Variants in JADE3 observed in about 807,000 individuals in gnomAD.
The protein encoded by JADE3 is protein Jade-3.
Under a neutral mutation model 50.1 loss-of-function variants are expected in JADE3, and 2 were observed. The ratio of observed to expected loss-of-function variants is 0.04; its 90% CI spans 0.02 to 0.13. The LOEUF (loss-of-function observed/expected upper bound fraction) is 0.13, where lower values mean the gene tolerates loss of function less well. Ranked by LOEUF, JADE3 falls within the 10% of genes least tolerant of loss-of-function variation. JADE3 has a pLI of 1.00. For synonymous variants in JADE3, 218 were observed against 232.9 expected, an observed-to-expected ratio of 0.94 and a Z score of 0.58; for missense variants, 475 against 634.4, an observed-to-expected ratio of 0.75 and a Z score of 2.70.
chrX:46,961,170 T>C (rs781890549), intron 1 of JADE3, among the ~76,000 whole-genome samples: 59 of 112,250 alleles, frequency 5.3e-4, no homozygotes, highest in Non-Finnish European at 9.8e-4. Flanking sequence ...GTTATCCACA[T>C]TTTCCAAATT....
At chrX:47,039,355 A>G (rs1233266412) in intron 8 of JADE3, among the ~76,000 whole-genome samples, 1 of 109,167 alleles carries the variant, frequency 9.2e-6, no homozygotes, top group East Asian at 2.8e-4. Context: ...CTGGGTGGAA[A>G]TCGGCTATAA....
chrX:47,037,938 T>TC (rs1556368409), intron 7 of JADE3, among the ~76,000 whole-genome samples: 1 of 111,077 alleles, frequency 9.0e-6, no homozygotes, highest in East Asian at 2.8e-4. Flanking sequence ...CCTGCCCTGT[T>TC]CCCCCCACTA....
chrX:46,915,695 A>G (rs1184955877), intron 1 of JADE3, among the ~76,000 whole-genome samples: 1 of 110,691 alleles, frequency 9.0e-6, no homozygotes, highest in Non-Finnish European at 1.9e-5. Flanking sequence ...AGGTCTTTCC[A>G]TAGATAATAA....
Position 47,058,897 on chromosome X carries a change from T to C in JADE3, c.2292T>C (p.Asn764=). 8.3e-7 allele frequency: 1 copy of C among 1,210,733 alleles called. No individual in the cohort carries two copies. The highest frequency in any genetic ancestry group is 1.1e-6 in the Non-Finnish European group (1 of 895,233). The change falls in exon 11 of 11, where the codon AAT becomes AAC. Residue 764 remains asparagine, a synonymous_variant. Transcript: ENST00000614628. ...RSAGRAPYQE[N]DGYCPDLELS... ...CAGGGAGAGCTCCATATCAGGAAAA[T>C]GATGGCTATTGCCCAGATTTGGAGC...
At chrX:46,980,613 G>A (rs1283622098) in intron 1 of JADE3, among the ~76,000 whole-genome samples, 1 of 111,266 alleles carries the variant, frequency 9.0e-6, no homozygotes, top group Non-Finnish European at 1.9e-5. Flanking sequence ...CTTTAATTTT[G>A]ATGAAAACAC....
rs373515815 is a variant in JADE3 at position 46,913,689 on chromosome X, A to C, written c.-12+970A>C. Among the ~76,000 whole-genome samples, 575 of 109,735 alleles carry C rather than the reference A, an allele frequency of 5.2e-3. 2 individuals carry two copies. Among genetic ancestry groups the C allele is most frequent in the South Asian group, 0.024 (61 of 2,502 alleles). The stretch of plus-strand genomic sequence containing the variant: ...GCTTTAAATTGCACAGGGCAGCCTG[A>C]GTTTGTTATTTGTGAGGAGGGGGTG... On this transcript the variant is annotated intron_variant, in intron 1 of 10. Transcript: ENST00000614628.
At chrX:46,997,339 CAAAAATTACAAAAAA>C (rs1324733869) in intron 3 of JADE3, among the ~76,000 whole-genome samples, 4 of 108,930 alleles carry the variant, frequency 3.7e-5, no homozygotes, top group Admixed American at 9.9e-5. Flanking sequence ...CCTGCCTCTA[CAAAAATTACAAAAAA>C]AAAAATTACA....
At chrX:46,922,580 C>A (rs1556337973) in intron 1 of JADE3, among the ~76,000 whole-genome samples, 1 of 110,369 alleles carries the variant, frequency 9.1e-6, no homozygotes, top group Non-Finnish European at 1.9e-5. Flanking sequence ...TGATCAATAA[C>A]CTTGATCTTC....
At chrX:46,925,193 G>GA (rs1449776011) in intron 1 of JADE3, among the ~76,000 whole-genome samples, 1 of 112,334 alleles carries the variant, frequency 8.9e-6, no homozygotes, top group Non-Finnish European at 1.9e-5. Context: ...AGCCATGGTT[G>GA]TTCTTGACAT....
At chrX:47,025,043 T>G in intron 5 of JADE3, 129 bp downstream of exon 5, 1 of 412,212 alleles carries the variant, frequency 2.4e-6, no homozygotes, top group East Asian at 4.0e-5. Flanking sequence ...ATTTTTCTCA[T>G]TGATTTTATC....
At chrX:46,943,963 C>T (rs1243917281) in intron 1 of JADE3, among the ~76,000 whole-genome samples, 1 of 111,110 alleles carries the variant, frequency 9.0e-6, no homozygotes, top group African/African-American at 3.3e-5. Context: ...GGAATTCATC[C>T]GTTTCCTCTA....
intron 4 of JADE3, among the ~76,000 whole-genome samples, chrX:47,001,683 G>A: frequency 8.9e-6 from 1 of 111,881 alleles, no homozygotes; most frequent in East Asian, 2.8e-4. Context: ...TTAAATCTTT[G>A]TGATATGAAA....
At chrX:46,923,375 TTCTCTC>T (rs1235628426) in intron 1 of JADE3, among the ~76,000 whole-genome samples, 2 of 57,908 alleles carry the variant, frequency 3.5e-5, no homozygotes, top group African/African-American at 5.0e-5. Context: ...GAGATTTCTT[TTCTCTC>T]TCTCTCTCTC....
chrX:46,976,392 T>C (rs782756851), intron 1 of JADE3, among the ~76,000 whole-genome samples: 2 of 111,987 alleles, frequency 1.8e-5, no homozygotes, highest in Non-Finnish European at 3.8e-5. Flanking sequence ...AAGGAAGACA[T>C]TTACTCCAGA....
At chrX:46,951,217 G>A (rs781909961) in intron 1 of JADE3, among the ~76,000 whole-genome samples, 2 of 101,719 alleles carry the variant, frequency 2.0e-5, no homozygotes, top group South Asian at 4.6e-4. Context: ...TAATAGAGAC[G>A]GAGTTTCACC....
At chrX:46,931,547 G>C (rs1417205390) in intron 1 of JADE3, among the ~76,000 whole-genome samples, 4 of 109,774 alleles carry the variant, frequency 3.6e-5, no homozygotes, top group Admixed American at 2.9e-4. Context: ...TCAGCCTCCT[G>C]AGTAGCTGGG....
At chrX:46,954,818 G>C (rs1467229066) in intron 1 of JADE3, among the ~76,000 whole-genome samples, 1 of 112,159 alleles carries the variant, frequency 8.9e-6, no homozygotes, top group Non-Finnish European at 1.9e-5. Flanking sequence ...GCCTCCCAAA[G>C]TGCTAGGATT....
At chrX:47,055,066 G>A (rs1929606462) in intron 9 of JADE3, among the ~76,000 whole-genome samples, 1 of 110,220 alleles carries the variant, frequency 9.1e-6, no homozygotes, top group Admixed American at 9.8e-5. Flanking sequence ...TTTGTTGTAG[G>A]GGCAATTTAA....
intron 8 of JADE3, among the ~76,000 whole-genome samples, chrX:47,053,061 A>T (rs1455282457): frequency 1.8e-5 from 2 of 109,724 alleles, no homozygotes; most frequent in African/African-American, 3.3e-5. Flanking sequence ...GTCTAAAAAA[A>T]TTTTTTTAAA....
Sources: allele counts gnomAD v4.1 joint callset (sites outside exome capture counted in the v4.1 genomes callset), GRCh38; gene constraint gnomAD v4.1.1; transcripts MANE v1.5; gene names NCBI Gene and HGNC (gene_info 2026-07-23, HGNC 2026-07-21).